The following RGS4 variants were observed in gnomAD, a reference collection of about 807,000 sequenced individuals.
RGS4 encodes regulator of G protein signaling 4.
A neutral mutation model predicts 21.6 loss-of-function variants in RGS4; 15 were observed. That is an observed-to-expected ratio of 0.69 (90% CI 0.46 to 1.07). RGS4 has a LOEUF of 1.07. Among genes scored for constraint, RGS4 ranks in the 50% least tolerant of loss-of-function variants. The pLI, the probability that RGS4 is intolerant of heterozygous loss-of-function variation, is 0.00. For synonymous variants in RGS4, 94 were observed against 85.5 expected, an observed-to-expected ratio of 1.10 and a Z score of -0.55; for missense variants, 237 against 239.0, an observed-to-expected ratio of 0.99 and a Z score of 0.06.
chr1:163,074,008 T>G, intron 4 of RGS4: 2 of 400,904 alleles, frequency 5.0e-6, no homozygotes, highest in South Asian at 4.3e-5. Context: ...CAACCCCAAA[T>G]AAATCAGTTT....
intron 3 of RGS4, 99 bp from the exon 4 acceptor site, chr1:163,073,357 C>T: frequency 1.0e-6 from 1 of 974,710 alleles, no homozygotes; most frequent in Non-Finnish European, 1.5e-6. Flanking sequence ...TGCTTGAATC[C>T]ATGCTTTATC....
chr1:163,072,986 T>G (rs1655370802), intron 3 of RGS4, 120 bp downstream of exon 3: 1 of 771,838 alleles, frequency 1.3e-6, no homozygotes, highest in East Asian at 2.7e-5. Flanking sequence ...AGGAGACTCT[T>G]TAGGTCTTAA....
At chr1:163,074,009 A>G in intron 4 of RGS4, 1 of 400,768 alleles carries the variant, frequency 2.5e-6, no homozygotes, top group Non-Finnish European at 4.4e-6. Context: ...AACCCCAAAT[A>G]AATCAGTTTT....
chr1:163,073,885 ATTCC>A, intron 4 of RGS4: 1 of 397,018 alleles, frequency 2.5e-6, no homozygotes. Context: ...CTTTCTATCT[ATTCC>A]TTCTACCCAT....
intron 1 of RGS4, chr1:163,071,868 C>CCCCCCCCCCCCCCCCCCCCCA (rs1401850389): frequency 1.9e-5 from 1 of 51,544 alleles, no homozygotes; most frequent in Non-Finnish European, 5.5e-5. Context: ...CCCCCCCCCC[C>CCCCCCCCCCCCCCCCCCCCCA]CCCCCAACAT....
upstream of RGS4, chr1:163,068,876 G>C: frequency 8.6e-7 from 1 of 1,169,002 alleles, no homozygotes; most frequent in South Asian, 1.3e-5. Context: ...AAATCACTGC[G>C]TGGAGACGAT....
intron 3 of RGS4, 76 bp from the exon 4 acceptor site, chr1:163,073,380 C>T: frequency 8.1e-7 from 1 of 1,229,828 alleles, no homozygotes; most frequent in East Asian, 2.5e-5. Context: ...CCAAGTACCT[C>T]AGCTTTATGT....
chr1:163,071,600 T>C (rs1655304927), intron 1 of RGS4, among the ~76,000 whole-genome samples: 1 of 152,056 alleles, frequency 6.6e-6, no homozygotes, highest in Admixed American at 6.6e-5. Flanking sequence ...GGCAATAAAC[T>C]GGAAGCTCAG....
At chr1:163,072,537 T>C (rs1467091507) in intron 2 of RGS4, 38 bp downstream of exon 2, 2 of 1,386,164 alleles carry the variant, frequency 1.4e-6, no homozygotes, top group Non-Finnish European at 2.1e-6. Context: ...TACTTAGTAT[T>C]AACTATCTGA....
rs1655424056 is a variant in RGS4 at position 163,074,313 on chromosome 1, C to T, written c.379-8C>T. The T allele has an allele frequency of 1.2e-6, 2 of 1,613,426 alleles. No individual in the cohort carries two copies. Among genetic ancestry groups the T allele is most frequent in the Non-Finnish European group, 1.7e-6 (2 of 1,179,728 alleles). On this transcript the variant is annotated splice_region_variant and splice_polypyrimidine_tract_variant and intron_variant, in intron 4 of 4. Transcript: ENST00000367909. The stretch of plus-strand genomic sequence containing the variant: ...AGGTCTAATGAAGCCTTGGCCTTTG[C>T]CCCTCAGGTGAACCTGGATTCTTGC...
chr1:163,071,855 G>GCCGGCCCCCCCCCCCC (rs1557859054), intron 1 of RGS4: 1 of 1,816 alleles, frequency 5.5e-4, no homozygotes, highest in Admixed American at 5.6e-3. Context: ...GGAACTGCTT[G>GCCGGCCCCCCCCCCCC]CCCCCCCCCC....
chr1:163,071,953 T>C lies in RGS4; in HGVS notation c.45-442T>C, dbSNP rs1655331164. ...TTCCCTCTGCCAGCAGGGGAACAGA[T>C]GGAAATAGCAATCACCTGCCAGAAG... On this transcript the variant is annotated intron_variant, in intron 1 of 4. Transcript: ENST00000367909. 6 of 980,196 alleles carry C rather than the reference T, an allele frequency of 6.1e-6. No individual in the cohort carries two copies. In the Admixed American group the frequency reaches 2.0e-4, roughly 33 times the overall value. 60.7% of individuals were successfully genotyped at this position (980,196 alleles called of 1,614,324 possible).
chr1:163,071,454 C>G (rs1557858885), intron 1 of RGS4, among the ~76,000 whole-genome samples: 1 of 151,952 alleles, frequency 6.6e-6, no homozygotes, highest in Non-Finnish European at 1.5e-5. Flanking sequence ...TATTTCTTGA[C>G]TTTTTTAATA....
At chr1:163,069,274 C>G, upstream of RGS4, 1 of 1,550,960 alleles carries the variant, frequency 6.4e-7, no homozygotes, top group South Asian at 1.2e-5. Context: ...CAGAGGGAGA[C>G]AGAGGAGCTG....
chr1:163,074,671 A>G lies in RGS4; in HGVS notation c.*111A>G. 2.7e-6 allele frequency: 4 copies of G among 1,462,472 alleles called. No individual in the cohort carries two copies. The highest frequency in any genetic ancestry group is 3.8e-6 in the Non-Finnish European group (4 of 1,047,396). 90.6% of individuals were successfully genotyped at this position (1,462,472 alleles called of 1,614,324 possible). On this transcript the variant is annotated 3_prime_UTR_variant, in exon 5 of 5. Transcript: ENST00000367909. ...AGTGCTTTATCCACATTGTAGCCTAATATTCATGCTGCCTGCCATGTGTGA... is the reference window on the plus strand; with the variant it reads ...AGTGCTTTATCCACATTGTAGCCTAGTATTCATGCTGCCTGCCATGTGTGA...
chr1:163,074,930 T>A lies in RGS4; in HGVS notation c.*370T>A. On this transcript the variant is annotated 3_prime_UTR_variant, in exon 5 of 5. Coordinates refer to ENST00000367909, the MANE Select transcript of RGS4 (RefSeq NM_005613.6). ...GTCACATGACATCCACATGCACATGTATTCTGTTGGCCAGCACGTTCTCCA... is the reference window on the plus strand; with the variant it reads ...GTCACATGACATCCACATGCACATGAATTCTGTTGGCCAGCACGTTCTCCA... The A allele has an allele frequency of 1.8e-6, 1 of 557,862 alleles. No individual in the cohort carries two copies. Among genetic ancestry groups the A allele is most frequent in the East Asian group, 3.0e-5 (1 of 33,190 alleles). 34.6% of individuals were successfully genotyped at this position (557,862 alleles called of 1,614,324 possible).
chr1:163,068,914 G>A (rs965688492), upstream of RGS4: 4 of 1,528,370 alleles, frequency 2.6e-6, no homozygotes, highest in Admixed American at 3.4e-5. Context: ...TTTGGAAATC[G>A]TGAGGATCAG....
intron 1 of RGS4, chr1:163,071,987 C>T: frequency 2.0e-6 from 2 of 987,328 alleles, no homozygotes; most frequent in South Asian, 4.7e-5. Context: ...AGGTGGCGTG[C>T]AGCAAGGATG....
chr1:163,074,602 G>C lies in RGS4; in HGVS notation c.*42G>C. 1 of 1,613,734 alleles carries C rather than the reference G, an allele frequency of 6.2e-7. No individual in the cohort carries two copies. ...GAGGGATGAAATGCCAAGACTCTAT[G>C]CTCTGGAAAACCTGAGGCCAAATAT... On this transcript the variant is annotated 3_prime_UTR_variant, in exon 5 of 5. Transcript: ENST00000367909.
Sources: gnomAD v4.1 joint callset for allele counts (sites outside exome capture counted in the v4.1 genomes callset) on GRCh38, gnomAD v4.1.1 for gene constraint, MANE v1.5 for transcripts, NCBI Gene and HGNC (gene_info 2026-07-23, HGNC 2026-07-21) for gene names.